The following C8orf34 variants were observed in gnomAD, a reference collection of about 807,000 sequenced individuals.
C8orf34 encodes the protein chromosome 8 open reading frame 34, also known as uncharacterized protein C8orf34.
Under a neutral mutation model 68.3 loss-of-function variants are expected in C8orf34, and 65 were observed. The ratio of observed to expected loss-of-function variants is 0.95; its 90% confidence interval spans 0.78 to 1.17. The LOEUF (loss-of-function observed/expected upper bound fraction) is 1.17, where lower values mean the gene tolerates loss of function less well. Among genes scored for constraint, C8orf34 ranks in the 50% most tolerant of loss-of-function variants. The pLI is 0.00. For missense variants in C8orf34, 664 were observed against 655.4 expected (o/e 1.01, Z -0.14); for synonymous variants, 244 against 241.2 (o/e 1.01, Z -0.11).
chr8:68,673,401 G>A (rs1820080888), intron 8 of C8orf34, among the ~76,000 whole-genome samples: 1 of 152,040 alleles, frequency 6.6e-6, no homozygotes, highest in Non-Finnish European at 1.5e-5. Flanking sequence ...TCAGAGGAGA[G>A]CCCACTGTCC....
At chr8:68,571,977 T>C (rs1371735341) in intron 7 of C8orf34, among the ~76,000 whole-genome samples, 1 of 152,112 alleles carries the variant, frequency 6.6e-6, no homozygotes, top group Non-Finnish European at 1.5e-5. Flanking sequence ...CGAACCTACA[T>C]GTTACAGTCT....
chr8:68,350,262 T>C (rs1259452900), intron 1 of C8orf34, among the ~76,000 whole-genome samples: 4 of 151,194 alleles, frequency 2.6e-5, no homozygotes, highest in African/African-American at 9.7e-5. Flanking sequence ...TTCATAGTCT[T>C]GCTTTTTTTT....
At chr8:68,417,682 G>T (rs184855058) in intron 1 of C8orf34, among the ~76,000 whole-genome samples, 163 of 152,160 alleles carry the variant, frequency 1.1e-3, no homozygotes, top group African/African-American at 3.5e-3. Context: ...TAGAATACCT[G>T]GTCAAAATAA....
At chr8:68,590,285 A>C (rs1456369972) in intron 7 of C8orf34, among the ~76,000 whole-genome samples, 3 of 151,762 alleles carry the variant, frequency 2.0e-5, no homozygotes, top group Non-Finnish European at 2.9e-5. Flanking sequence ...GAAAGGAGGA[A>C]AGGAAAACCT....
chr8:68,705,176 T>C (rs1821127815), intron 8 of C8orf34, among the ~76,000 whole-genome samples: 1 of 152,148 alleles, frequency 6.6e-6, no homozygotes. Flanking sequence ...ATACAAGTAA[T>C]ATGTCCTATA....
At chr8:68,466,738 C>CATATATATATATAT (rs35661495) in intron 3 of C8orf34, among the ~76,000 whole-genome samples, 1,375 of 120,248 alleles carry the variant, frequency 0.011, 44 homozygotes, top group Middle Eastern at 0.034. Flanking sequence ...CAACGTTGTA[C>CATATATATATATAT]ATATATATAT....
intron 8 of C8orf34, among the ~76,000 whole-genome samples, chr8:68,700,786 G>T (rs968198569): frequency 6.6e-6 from 1 of 152,024 alleles, no homozygotes; most frequent in African/African-American, 2.4e-5. Context: ...CTTTTTTAAG[G>T]CTTCAAAATT....
At chr8:68,792,571 CAAAAAAAAAAAAAAAAAA>C (rs1162293308) in intron 12 of C8orf34, 1 of 42,276 alleles carries the variant, frequency 2.4e-5, no homozygotes, top group Non-Finnish European at 5.0e-5. Context: ...GACTCCATCT[CAAAAAAAAAAAAAAAAAA>C]AAAAAAAAAA....
At chr8:68,694,835 C>T (rs1820781056) in intron 8 of C8orf34, among the ~76,000 whole-genome samples, 2 of 151,988 alleles carry the variant, frequency 1.3e-5, no homozygotes, top group Admixed American at 1.3e-4. Context: ...ATAATTTGAT[C>T]ACAGTGCCTA....
At chr8:68,700,591 T>A (rs1585749451) in intron 8 of C8orf34, among the ~76,000 whole-genome samples, 1 of 152,162 alleles carries the variant, frequency 6.6e-6, no homozygotes, top group South Asian at 2.1e-4. Flanking sequence ...TGTAAATTAA[T>A]GTGCAAGGCC....
At chr8:68,523,492 T>A (rs1392332226) in intron 6 of C8orf34, among the ~76,000 whole-genome samples, 1 of 152,114 alleles carries the variant, frequency 6.6e-6, no homozygotes, top group Non-Finnish European at 1.5e-5. Flanking sequence ...CTCTTAAATG[T>A]TTGTCTTAAT....
At chr8:68,363,192 GA>G (rs1222945260) in intron 1 of C8orf34, among the ~76,000 whole-genome samples, 8 of 97,926 alleles carry the variant, frequency 8.2e-5, no homozygotes, top group African/African-American at 2.8e-4. Context: ...GAAGTTTAGA[GA>G]AAAAAGAATA....
intron 7 of C8orf34, among the ~76,000 whole-genome samples, chr8:68,566,186 G>T (rs1158781174): frequency 1.3e-5 from 2 of 151,982 alleles, no homozygotes; most frequent in Non-Finnish European, 2.9e-5. Flanking sequence ...TAGGTTTGGG[G>T]GTACATGTGA....
intron 11 of C8orf34, among the ~76,000 whole-genome samples, chr8:68,777,867 A>G (rs1823566504): frequency 6.6e-6 from 1 of 152,218 alleles, no homozygotes; most frequent in African/African-American, 2.4e-5. Flanking sequence ...CTGAAATAAA[A>G]TATATAAAAT....
At chr8:68,758,741 C>A (rs1822941530) in intron 10 of C8orf34, among the ~76,000 whole-genome samples, 1 of 139,156 alleles carries the variant, frequency 7.2e-6, no homozygotes, top group Non-Finnish European at 1.5e-5. Context: ...GTACATTATT[C>A]CCTTGGACTT....
chr8:68,629,563 A>C (rs1012883400), intron 7 of C8orf34, among the ~76,000 whole-genome samples: 1 of 152,176 alleles, frequency 6.6e-6, no homozygotes, highest in South Asian at 2.1e-4. Context: ...TATGTAAAGA[A>C]TAATTTATCA....
At chr8:68,612,251 A>G (rs532647344) in intron 7 of C8orf34, among the ~76,000 whole-genome samples, 1 of 152,244 alleles carries the variant, frequency 6.6e-6, no homozygotes, top group African/African-American at 2.4e-5. Context: ...CCTCTTATGC[A>G]CTGGCTCACT....
chr8:68,433,278 A>G (rs1438834153), intron 1 of C8orf34, among the ~76,000 whole-genome samples: 1 of 152,214 alleles, frequency 6.6e-6, no homozygotes, highest in African/African-American at 2.4e-5. Context: ...TGTGAACTAA[A>G]TAACATTCTA....
chr8:68,766,671 A>G (rs1585850903), intron 10 of C8orf34, among the ~76,000 whole-genome samples: 1 of 152,236 alleles, frequency 6.6e-6, no homozygotes, highest in African/African-American at 2.4e-5. Flanking sequence ...GATATAGCCA[A>G]CAACAAATGG....
Sources: gnomAD v4.1 joint callset for allele counts (sites outside exome capture counted in the v4.1 genomes callset) on GRCh38, gnomAD v4.1.1 for gene constraint, MANE v1.5 for transcripts, NCBI Gene and HGNC (gene_info 2026-07-23, HGNC 2026-07-21) for gene names.